NTM: variants seen among roughly 807,000 people sequenced by gnomAD.
NTM encodes the protein IgLON family member 2.
In NTM, 13 loss-of-function variants were observed where a neutral mutation model predicts 42.1. That is an observed-to-expected ratio of 0.31 (90% CI 0.20 to 0.49). The LOEUF is 0.49. Ranked by LOEUF, NTM falls within the 20% of genes least tolerant of loss-of-function variation. The pLI, the probability that NTM is intolerant of heterozygous loss-of-function variation, is 0.99. For synonymous variants in NTM, 187 were observed against 179.2 expected, an observed-to-expected ratio of 1.04 and a Z score of -0.35; for missense variants, 373 against 452.8, an observed-to-expected ratio of 0.82 and a Z score of 1.60.
intron 4 of NTM, among the ~76,000 whole-genome samples, chr11:132,246,332 G>T (rs933538826): frequency 2.6e-5 from 4 of 152,166 alleles, no homozygotes; most frequent in Non-Finnish European, 4.4e-5. Context: ...CAAACAGTTC[G>T]TTCTATATCT....
At chr11:131,442,809 A>G (rs1009165334) in intron 1 of NTM, among the ~76,000 whole-genome samples, 3 of 151,732 alleles carry the variant, frequency 2.0e-5, no homozygotes, top group African/African-American at 4.8e-5. Flanking sequence ...TATTATATAT[A>G]TGTGTGTGTA....
At chr11:132,331,876 G>A (rs528011836) in intron 8 of NTM, among the ~76,000 whole-genome samples, 12 of 152,218 alleles carry the variant, frequency 7.9e-5, no homozygotes, top group South Asian at 6.2e-4. Flanking sequence ...AAAAAGACCC[G>A]CCCCTGTGTG....
In NTM at chr11:132,330,172, G is replaced by T. The variant is rs186290369; in HGVS notation, c.954G>T (p.Leu318=). 8.0e-5 allele frequency: 124 copies of T among 1,551,702 alleles called. No individual in the cohort carries two copies. Among genetic ancestry groups the T allele is most frequent in the Admixed American group, 4.3e-4 (22 of 50,976 alleles). Residue 318 remains leucine (L), a synonymous_variant, in exon 8 of 9, where the codon CTG becomes CTT. Transcript: ENST00000683400. ...IMLFEVKTTA[L]TPWKGPGAVS... is the part of the protein sequence containing the mutation. ...TTTTAGAAGTGAAAACTACAGCCCT[G>T]ACCCCTTGGAAAGGTTTGTATATTT...
intron 4 of NTM, among the ~76,000 whole-genome samples, chr11:132,225,850 A>T (rs2086147069): frequency 6.6e-6 from 1 of 152,040 alleles, no homozygotes; most frequent in African/African-American, 2.4e-5. Context: ...TTATAATGGT[A>T]TCCCTCCTCT....
At chr11:132,165,036 T>G (rs937876460) in intron 3 of NTM, among the ~76,000 whole-genome samples, 1 of 152,182 alleles carries the variant, frequency 6.6e-6, no homozygotes, top group Non-Finnish European at 1.5e-5. Context: ...TCTTCTCACT[T>G]AGGCTACATG....
intron 1 of NTM, among the ~76,000 whole-genome samples, chr11:131,636,432 C>G (rs2064395012): frequency 6.6e-6 from 1 of 152,196 alleles, no homozygotes; most frequent in African/African-American, 2.4e-5. Context: ...ATGAGCTCTC[C>G]CTATCCACAG....
At chr11:131,695,040 C>T (rs752650013) in intron 1 of NTM, among the ~76,000 whole-genome samples, 1 of 152,128 alleles carries the variant, frequency 6.6e-6, no homozygotes, top group Non-Finnish European at 1.5e-5. Context: ...GGAGCGCCGC[C>T]GCCGCCGGGA....
At chr11:131,762,922 G>A (rs1364352764) in intron 1 of NTM, among the ~76,000 whole-genome samples, 1 of 152,218 alleles carries the variant, frequency 6.6e-6, no homozygotes, top group Non-Finnish European at 1.5e-5. Flanking sequence ...GATGCCATGT[G>A]CTTATTCATG....
intron 1 of NTM, among the ~76,000 whole-genome samples, chr11:131,606,808 G>A (rs2061000742): frequency 6.6e-6 from 1 of 152,174 alleles, no homozygotes; most frequent in Non-Finnish European, 1.5e-5. Flanking sequence ...TAGGCAATGG[G>A]CCAGTGTGCT....
chr11:131,587,297 C>A (rs3106606), intron 1 of NTM, among the ~76,000 whole-genome samples: 29,044 of 151,974 alleles, frequency 0.19, 4,635 homozygotes, highest in African/African-American at 0.44. Flanking sequence ...AAATACAAAA[C>A]ATTAGCCAGG....
At chr11:131,497,976 C>CTA (rs927123673) in intron 1 of NTM, among the ~76,000 whole-genome samples, 1 of 152,204 alleles carries the variant, frequency 6.6e-6, no homozygotes, top group African/African-American at 2.4e-5. Flanking sequence ...TGGTCCAACC[C>CTA]TAGCCAACAG....
At chr11:131,393,777 A>G (rs1310518106) in intron 1 of NTM, among the ~76,000 whole-genome samples, 1 of 152,224 alleles carries the variant, frequency 6.6e-6, no homozygotes, top group East Asian at 1.9e-4. Flanking sequence ...GCCAGATCTT[A>G]TCCCTGTGAA....
At chr11:131,390,274 T>C (rs1437894929) in intron 1 of NTM, among the ~76,000 whole-genome samples, 1 of 151,994 alleles carries the variant, frequency 6.6e-6, no homozygotes, top group Non-Finnish European at 1.5e-5. Flanking sequence ...TGAGAATCCA[T>C]TACTTTGAGG....
chr11:132,277,652 C>T (rs191050818), intron 4 of NTM, among the ~76,000 whole-genome samples: 151 of 152,162 alleles, frequency 9.9e-4, no homozygotes, highest in African/African-American at 3.4e-3. Flanking sequence ...TATTTGATAA[C>T]GTAATATCAA....
intron 3 of NTM, among the ~76,000 whole-genome samples, chr11:132,191,945 A>G (rs940014255): frequency 2.0e-5 from 3 of 152,198 alleles, no homozygotes; most frequent in Non-Finnish European, 4.4e-5. Context: ...CACTCCTTTG[A>G]ATAAATGCAG....
chr11:131,391,903 G>A (rs1457489803), intron 1 of NTM, among the ~76,000 whole-genome samples: 3 of 152,104 alleles, frequency 2.0e-5, no homozygotes, highest in African/African-American at 4.8e-5. Context: ...TTAAGGGAGA[G>A]GGAAAATAAC....
intron 1 of NTM, among the ~76,000 whole-genome samples, chr11:131,841,296 T>A (rs1364709617): frequency 1.3e-5 from 2 of 152,194 alleles, no homozygotes; most frequent in Non-Finnish European, 2.9e-5. Context: ...AGCAAGATGA[T>A]GGTGTTTTTC....
chr11:131,413,190 C>T (rs148383168), intron 1 of NTM, among the ~76,000 whole-genome samples: 138 of 152,262 alleles, frequency 9.1e-4, no homozygotes, highest in African/African-American at 3.3e-3. Flanking sequence ...TTGTAACCTC[C>T]TCGGAGAAGT....
At chr11:131,547,737 C>T (rs913431021) in intron 1 of NTM, among the ~76,000 whole-genome samples, 1 of 152,200 alleles carries the variant, frequency 6.6e-6, no homozygotes, top group South Asian at 2.1e-4. Flanking sequence ...ACTATACACC[C>T]TCTCAAAGAG....
Sources: allele counts gnomAD v4.1 joint callset (sites outside exome capture counted in the v4.1 genomes callset), GRCh38; gene constraint gnomAD v4.1.1; transcripts MANE v1.5; gene names NCBI Gene and HGNC (gene_info 2026-07-23, HGNC 2026-07-21).